ZNF133: variants seen among roughly 807,000 people sequenced by gnomAD.
ZNF133 encodes the protein zinc finger protein 133 (clone pHZ-13).
ZNF133 carries 26 observed loss-of-function variants against 54.9 expected under a neutral mutation model. The observed-to-expected ratio is 0.47, with a 90% CI of 0.35 to 0.66. The LOEUF (loss-of-function observed/expected upper bound fraction) is 0.66. Ranked by LOEUF, ZNF133 falls within the 30% of genes least tolerant of loss-of-function variation. The pLI is 0.01. For missense variants in ZNF133, 653 were observed against 820.8 expected (o/e 0.80, Z 2.50); for synonymous variants, 298 against 320.3 (o/e 0.93, Z 0.74).
intron 6 of ZNF133, among the ~76,000 whole-genome samples, chr20:18,309,622 G>A (rs2045412127): frequency 6.6e-6 from 1 of 152,210 alleles, no homozygotes; most frequent in South Asian, 2.1e-4. Context: ...TTAGCCAGAG[G>A]CTCAGCCCTG....
intron 1 of ZNF133, among the ~76,000 whole-genome samples, chr20:18,296,933 T>G (rs1325737748): frequency 6.6e-6 from 1 of 152,206 alleles, no homozygotes; most frequent in Non-Finnish European, 1.5e-5. Flanking sequence ...AGAACTCATG[T>G]TTTTTGTTTA....
At position 18,315,275 on chromosome 20, in the gene ZNF133, C is replaced by G. The variant is rs1164290897; in HGVS notation, c.424C>G (p.Gln142Glu). ...CTCTGAGGGGAGACCCTGGAGTGAT[C>G]AAGCAGAAGGTCCTGAGGGAGAAGG... ...QASEGRPWSD[Q>E]AEGPEGEGAM... Residue 142 changes from glutamine (Q) to glutamate (E), a missense_variant, in exon 7 of 7, where the codon CAA becomes GAA. By Grantham distance (29) the Gln-to-Glu change is conservative (BLOSUM62 2). Around this residue, in one of 4 missense-constraint regions of ZNF133, gnomAD observed 227 missense variants for 233.9 expected, o/e 0.97. Coordinates refer to ENST00000425686, the MANE Select transcript of ZNF133 (RefSeq NM_001352452.2). The G allele has an allele frequency of 1.9e-6, 3 of 1,613,900 alleles. No individual in the cohort carries two copies. Among genetic ancestry groups the G allele is most frequent in the Admixed American group, 1.7e-5 (1 of 59,980 alleles).
intron 3 of ZNF133, among the ~76,000 whole-genome samples, chr20:18,303,447 A>G (rs977306596): frequency 2.0e-5 from 3 of 152,206 alleles, no homozygotes; most frequent in Non-Finnish European, 2.9e-5. Flanking sequence ...AGAAAAATTC[A>G]TATTAAACTT....
chr20:18,308,695 G>GTT (rs11472015), intron 6 of ZNF133, among the ~76,000 whole-genome samples: 4,771 of 152,260 alleles, frequency 0.031, 93 homozygotes, highest in Non-Finnish European at 0.044. Flanking sequence ...TCATTTGGGT[G>GTT]TTTTGCTTTT....
rs1043108165 is a variant in ZNF133, at chr20:18,305,296, G to A, written c.-7+118G>A. The A allele has an allele frequency of 4.3e-6, 3 of 704,796 alleles. No individual in the cohort carries two copies. The highest frequency in any genetic ancestry group is 5.3e-6 in the Non-Finnish European group (3 of 569,290). 43.7% of individuals were successfully genotyped at this position (704,796 alleles called of 1,614,324 possible). On this transcript the variant is annotated intron_variant, in intron 4 of 6. Coordinates refer to ENST00000425686, the MANE Select transcript of ZNF133 (RefSeq NM_001352452.2). This position sits in a 1 kb window ranked among gnomAD's most constrained non-coding sequence, Gnocchi z 4.7. ...TCAGGCCCGAGAAAGCCAAGCCGTAGGATTTTGAGGAATTACTGAGTTATA... is the reference window on the plus strand; with the variant it reads ...TCAGGCCCGAGAAAGCCAAGCCGTAAGATTTTGAGGAATTACTGAGTTATA...
At chr20:18,290,775 T>C (rs1240865563) in intron 1 of ZNF133, among the ~76,000 whole-genome samples, 1 of 152,176 alleles carries the variant, frequency 6.6e-6, no homozygotes, top group Non-Finnish European at 1.5e-5. Context: ...TAACTTGATA[T>C]AAGCTGGACC....
rs2047286778 is a variant in ZNF133, at chr20:18,315,662, G to A, written c.811G>A (p.Val271Met). Reference protein sequence around the residue: ...QKAHSGEKPIVCRECGRGFNR... With the variant: ...QKAHSGEKPIMCRECGRGFNR... ...GGCACACTCGGGGGAGAAGCCAATT[G>A]TGTGCAGGGAGTGTGGACGAGGCTT... The change falls in exon 7 of 7, where the codon GTG (valine) becomes ATG (methionine). Residue 271 changes from valine (V) to methionine (M), a missense_variant. Transcript: ENST00000425686. 1.2e-6 allele frequency: 2 copies of A among 1,614,006 alleles called. No individual in the cohort carries two copies. Among genetic ancestry groups the A allele is most frequent in the Non-Finnish European group, 1.7e-6 (2 of 1,180,000 alleles).
chr20:18,308,863 G>A (rs1339210808), intron 6 of ZNF133, among the ~76,000 whole-genome samples: 2 of 152,206 alleles, frequency 1.3e-5, no homozygotes, highest in African/African-American at 2.4e-5. Flanking sequence ...TAGGAAAGAA[G>A]GAAGGTCAGG....
At chr20:18,294,880 C>A (rs1323760462) in intron 1 of ZNF133, among the ~76,000 whole-genome samples, 1 of 152,084 alleles carries the variant, frequency 6.6e-6, no homozygotes, top group South Asian at 2.1e-4. Flanking sequence ...CATTTTAATT[C>A]GAATTTTGCT....
At chr20:18,291,581 A>G (rs960032980) in intron 1 of ZNF133, among the ~76,000 whole-genome samples, 19 of 151,954 alleles carry the variant, frequency 1.3e-4, no homozygotes, top group Admixed American at 7.2e-4. Flanking sequence ...CTTCAGCTAT[A>G]CTGTCTCCTT....
rs1485687194 is a variant in ZNF133 at position 18,305,775 on chromosome 20, T to A, written c.89T>A (p.Met30Lys). Reference protein sequence around the residue: ...PAQRTLYREVMLENYSNLVSL... With the variant: ...PAQRTLYREVKLENYSNLVSL... ...CAAAGGACTCTGTACAGAGAGGTGATGCTGGAGAACTACAGCAACCTGGTC... is the reference window on the plus strand; with the variant it reads ...CAAAGGACTCTGTACAGAGAGGTGAAGCTGGAGAACTACAGCAACCTGGTC... The change falls in exon 5 of 7, where the codon ATG becomes AAG. Residue 30 changes from methionine (M) to lysine (K), a missense_variant. Around this residue, in one of 4 missense-constraint regions of ZNF133, gnomAD observed 227 missense variants for 233.9 expected, o/e 0.97. Transcript: ENST00000425686. This position sits in a 1 kb window ranked among gnomAD's most constrained non-coding sequence, Gnocchi z 4.7. 3.1e-6 allele frequency: 5 copies of A among 1,614,032 alleles called. No homozygotes were observed. Among genetic ancestry groups the A allele is most frequent in the Non-Finnish European group, 4.2e-6 (5 of 1,179,946 alleles).
chr20:18,291,583 T>C (rs1313843123), intron 1 of ZNF133, among the ~76,000 whole-genome samples: 3 of 152,232 alleles, frequency 2.0e-5, no homozygotes, highest in East Asian at 3.9e-4. Context: ...TCAGCTATAC[T>C]GTCTCCTTGG....
At chr20:18,308,269 G>C (rs200905019) in intron 6 of ZNF133, among the ~76,000 whole-genome samples, 1 of 151,656 alleles carries the variant, frequency 6.6e-6, no homozygotes, top group South Asian at 2.1e-4. Context: ...TCTTTTTCTG[G>C]GTAAGAAATT....
Position 18,316,873 on chromosome 20 carries a change from A to T in ZNF133, c.*57A>T. 1 of 1,523,612 alleles carries T rather than the reference A, an allele frequency of 6.6e-7. No individual in the cohort carries two copies. Among genetic ancestry groups the T allele is most frequent in the Non-Finnish European group, 8.8e-7 (1 of 1,136,164 alleles). The allele number at this position is 1,523,612 out of a possible 1,614,324, so 94.4% of individuals were successfully genotyped here. On this transcript the variant is annotated 3_prime_UTR_variant, in exon 7 of 7. Coordinates refer to ENST00000425686, the MANE Select transcript of ZNF133 (RefSeq NM_001352452.2). Reference sequence around the variant, plus strand: ...GAATGTTGACACTTTGATGAAATGGAGTAGAGAAATGCATTCTGTAAGTGG... The same window carrying T: ...GAATGTTGACACTTTGATGAAATGGTGTAGAGAAATGCATTCTGTAAGTGG...
At chr20:18,313,369 C>T (rs1325386987) in intron 6 of ZNF133, 1 of 152,234 alleles carries the variant, frequency 6.6e-6, no homozygotes, top group Non-Finnish European at 1.5e-5. Context: ...TGCCACTTTA[C>T]ACATAGGCAC....
intron 6 of ZNF133, chr20:18,313,615 A>G (rs1401020185): frequency 6.6e-6 from 1 of 152,240 alleles, no homozygotes; most frequent in African/African-American, 2.4e-5. Context: ...AAGAGAAACA[A>G]AATAGCCAAT....
Position 18,315,065 on chromosome 20 carries a change from G to A in ZNF133, c.218-4G>A. 1 of 1,523,522 alleles carries A rather than the reference G, an allele frequency of 6.6e-7. No homozygotes were observed. Among genetic ancestry groups the A allele is most frequent in the East Asian group, 2.3e-5 (1 of 44,138 alleles). The allele number at this position is 1,523,522 out of a possible 1,614,324, so 94.4% of individuals were successfully genotyped here. A position where few individuals can be genotyped will look rare whatever the true frequency, so the allele number is the denominator to read the frequency against. Reference sequence around the variant, plus strand: ...AGTTGTGACTCACACTTTTCTCTCTGCAGCAGATCCAGAGCCAGAGCTCTA... The same window carrying A: ...AGTTGTGACTCACACTTTTCTCTCTACAGCAGATCCAGAGCCAGAGCTCTA... On this transcript the variant is annotated splice_polypyrimidine_tract_variant and splice_region_variant and intron_variant, in intron 6 of 6. Coordinates refer to ENST00000425686, the MANE Select transcript of ZNF133 (RefSeq NM_001352452.2).
chr20:18,314,692 T>C (rs2047027397), intron 6 of ZNF133: 1 of 172,630 alleles, frequency 5.8e-6, no homozygotes, highest in Admixed American at 5.9e-5. Context: ...AGTCCTAGGG[T>C]TAGACATCTT....
intron 6 of ZNF133, chr20:18,310,311 A>G: frequency 6.5e-7 from 1 of 1,531,266 alleles, no homozygotes; most frequent in Non-Finnish European, 8.7e-7. Flanking sequence ...TTCTAGGTAT[A>G]AAATACATCT....
Sources: gnomAD v4.1 joint callset for allele counts (sites outside exome capture counted in the v4.1 genomes callset) on GRCh38, gnomAD v4.1.1 for gene constraint, gnomAD v4.1.1 regional missense constraint, Gnocchi (gnomAD v3.1) non-coding constraint, MANE v1.5 for transcripts, NCBI Gene and HGNC (gene_info 2026-07-23, HGNC 2026-07-21) for gene names.